Variants in SKAP2 observed in about 807,000 individuals in gnomAD.
SKAP2 encodes src kinase associated phosphoprotein 2, also known as src kinase-associated phosphoprotein 2.
A neutral mutation model predicts 54.9 loss-of-function variants in SKAP2; 28 were observed. The observed-to-expected ratio is 0.51, with a 90% CI of 0.38 to 0.70. SKAP2 has a LOEUF of 0.70. SKAP2 is among the 30% of genes least tolerant of loss of function. SKAP2 has a pLI of 0.00. For missense variants in SKAP2, 356 were observed against 424.1 expected, an observed-to-expected ratio of 0.84 and a Z score of 1.41; for synonymous variants, 137 against 134.3, an observed-to-expected ratio of 1.02 and a Z score of -0.14.
chr7:26,855,112 G>C (rs1785132508), intron 1 of SKAP2: 1 of 318,272 alleles, frequency 3.1e-6, no homozygotes. Context: ...TTCTACTTAT[G>C]CTTACCACAG....
Position 26,711,677 on chromosome 7 carries a change from T to C in SKAP2, c.796+13751A>G, listed in dbSNP as rs1787307912. 1.3e-5 allele frequency among the ~76,000 whole-genome samples: 2 copies of C among 152,180 alleles called. 1 individual carries two copies. The highest frequency in any genetic ancestry group is 4.1e-4 in the South Asian group (2 of 4,834). On this transcript the variant is annotated intron_variant, in intron 9 of 12. Coordinates refer to ENST00000345317, the MANE Select transcript of SKAP2 (RefSeq NM_003930.5). Reference sequence around the variant, plus strand: ...GGAAAGGTGGATTTGTGTGGGACCATGGCTCAGGGCCTGGCCAGTTAGTTT... The same window carrying C: ...GGAAAGGTGGATTTGTGTGGGACCACGGCTCAGGGCCTGGCCAGTTAGTTT...
chr7:26,761,032 C>A (rs1782917598), intron 4 of SKAP2, among the ~76,000 whole-genome samples: 1 of 151,998 alleles, frequency 6.6e-6, no homozygotes, highest in Non-Finnish European at 1.5e-5. Context: ...GTAGTATGGG[C>A]AGAAGATAGT....
At chr7:26,717,644 G>A (rs1175583767) in intron 9 of SKAP2, among the ~76,000 whole-genome samples, 3 of 148,466 alleles carry the variant, frequency 2.0e-5, no homozygotes, top group Non-Finnish European at 3.0e-5. Context: ...TGGCCAACAT[G>A]GCAAAACCCT....
intron 9 of SKAP2, among the ~76,000 whole-genome samples, chr7:26,722,065 T>A (rs1156645545): frequency 2.0e-5 from 3 of 152,204 alleles, no homozygotes; most frequent in Non-Finnish European, 4.4e-5. Flanking sequence ...CAAACCTGAC[T>A]GGCCTATGCT....
intron 4 of SKAP2, among the ~76,000 whole-genome samples, chr7:26,797,814 A>C (rs1736531663): frequency 6.6e-6 from 1 of 152,020 alleles, no homozygotes; most frequent in Admixed American, 6.6e-5. Flanking sequence ...CTATTATATA[A>C]ATTTAACAAA....
intron 4 of SKAP2, among the ~76,000 whole-genome samples, chr7:26,825,218 T>C (rs372047281): frequency 2.0e-5 from 3 of 152,178 alleles, no homozygotes; most frequent in East Asian, 1.9e-4. Flanking sequence ...TGGTATGCAT[T>C]TGAGATACAG....
At chr7:26,857,415 T>G in intron 1 of SKAP2, 1 of 982,500 alleles carries the variant, frequency 1.0e-6, no homozygotes. Context: ...TTTAAGCTTT[T>G]GAAATCTAGG....
At chr7:26,804,260 AT>A (rs869280356) in intron 4 of SKAP2, among the ~76,000 whole-genome samples, 3 of 152,182 alleles carry the variant, frequency 2.0e-5, no homozygotes, top group Admixed American at 2.0e-4. Context: ...TACCCACAAA[AT>A]TTTTTAAAAA....
intron 4 of SKAP2, among the ~76,000 whole-genome samples, chr7:26,815,023 C>T (rs928390545): frequency 3.4e-4 from 51 of 151,906 alleles, no homozygotes; most frequent in Admixed American, 2.0e-4. Context: ...CAAAATTACT[C>T]TTTTAAATTG....
chr7:26,775,820 G>C lies in SKAP2; in HGVS notation c.308-35856C>G, dbSNP rs945405995. Reference sequence around the variant, plus strand: ...TTAGGGATTGACTTTTCTTCACTCAGCGTAACTGCCCAAAGTTTCATTCAA... The same window carrying C: ...TTAGGGATTGACTTTTCTTCACTCACCGTAACTGCCCAAAGTTTCATTCAA... On this transcript the variant is annotated intron_variant, in intron 4 of 12. Coordinates refer to ENST00000345317, the MANE Select transcript of SKAP2 (RefSeq NM_003930.5). Among the ~76,000 whole-genome samples, 3 of 152,180 alleles carry C rather than the reference G, an allele frequency of 2.0e-5. No individual in the cohort carries two copies. In the South Asian group the frequency reaches 6.2e-4, roughly 32 times the overall value.
intron 9 of SKAP2, among the ~76,000 whole-genome samples, chr7:26,698,482 A>T (rs904980046): frequency 6.6e-6 from 1 of 152,250 alleles, no homozygotes; most frequent in Admixed American, 6.5e-5. Flanking sequence ...ACTGCCCTGC[A>T]CTGGCATAAA....
chr7:26,788,854 G>A (rs546415870), intron 4 of SKAP2, among the ~76,000 whole-genome samples: 1 of 151,870 alleles, frequency 6.6e-6, no homozygotes, highest in South Asian at 2.1e-4. Context: ...TAATCGCAAA[G>A]TTCTATGGTA....
chr7:26,677,740 C>T (rs993389122), intron 11 of SKAP2, among the ~76,000 whole-genome samples: 7 of 152,182 alleles, frequency 4.6e-5, no homozygotes, highest in South Asian at 2.1e-4. Flanking sequence ...GTCTTCTCTT[C>T]GACTTAATTG....
At chr7:26,819,427 G>A (rs1784341323) in intron 4 of SKAP2, among the ~76,000 whole-genome samples, 1 of 152,006 alleles carries the variant, frequency 6.6e-6, no homozygotes, top group Non-Finnish European at 1.5e-5. Context: ...GGGGGTGGGG[G>A]CTAGGGGAGG....
downstream of SKAP2, among the ~76,000 whole-genome samples, chr7:26,665,143 A>C (rs1160604826): frequency 6.6e-6 from 1 of 152,196 alleles, no homozygotes; most frequent in Non-Finnish European, 1.5e-5. Flanking sequence ...TCAAGATCAG[A>C]TGCAGGAAAG....
At chr7:26,754,039 T>C (rs551149470) in intron 4 of SKAP2, among the ~76,000 whole-genome samples, 1 of 152,206 alleles carries the variant, frequency 6.6e-6, no homozygotes, top group South Asian at 2.1e-4. Context: ...ATATAAAAAG[T>C]GCCTATTTAG....
chr7:26,734,536 C>G (rs946484220), intron 6 of SKAP2, among the ~76,000 whole-genome samples: 4 of 152,170 alleles, frequency 2.6e-5, no homozygotes, highest in Admixed American at 6.5e-5. Flanking sequence ...CTGTCTTAGT[C>G]TGTTTATGCT....
intron 4 of SKAP2, among the ~76,000 whole-genome samples, chr7:26,835,444 C>T (rs28883078): frequency 0.21 from 32,173 of 151,954 alleles, 3,488 homozygotes; most frequent in Non-Finnish European, 0.24. Flanking sequence ...TTTAGAAAAC[C>T]CCATCATCTC....
At chr7:26,671,691 T>A (rs918855465) in intron 11 of SKAP2, among the ~76,000 whole-genome samples, 1 of 151,954 alleles carries the variant, frequency 6.6e-6, no homozygotes, top group Non-Finnish European at 1.5e-5. Context: ...AGATTTTAAG[T>A]TTTAAACTTT....
Sources: gnomAD v4.1 joint callset for allele counts (sites outside exome capture counted in the v4.1 genomes callset) on GRCh38, gnomAD v4.1.1 for gene constraint, MANE v1.5 for transcripts, NCBI Gene and HGNC (gene_info 2026-07-23, HGNC 2026-07-21) for gene names.